The following POLK variants were observed in gnomAD, a reference collection of about 807,000 sequenced individuals.
The protein encoded by POLK is polymerase (DNA directed) kappa.
Under a neutral mutation model 94.0 loss-of-function variants are expected in POLK, and 76 were observed. The ratio of observed to expected loss-of-function variants is 0.81; its 90% CI spans 0.67 to 0.98. The LOEUF is 0.98. POLK is among the 50% of genes least tolerant of loss of function. The probability of loss-of-function intolerance (pLI) is 0.00; values close to 1 mark genes in which losing one functional copy is unlikely to be tolerated. For missense variants in POLK, 954 were observed against 1,010.1 expected (o/e 0.94, Z 0.75); for synonymous variants, 349 against 325.4 (o/e 1.07, Z -0.78).
At chr5:75,576,924 G>A (rs1173823396) in exon 6 of POLK, 1 of 1,543,900 alleles carries the variant, frequency 6.5e-7, no homozygotes, top group Non-Finnish European at 8.7e-7. Context: ...GGGAAGCTCT[G>A]TAGAAAATGG....
intron 4 of POLK, among the ~76,000 whole-genome samples, chr5:75,571,973 A>C (rs535625099): frequency 4.6e-5 from 7 of 152,342 alleles, no homozygotes; most frequent in African/African-American, 1.7e-4. Context: ...CAGAACACTG[A>C]CCAAGGATTA....
chr5:75,596,558 T>G, exon 13 of POLK: 1 of 1,613,788 alleles, frequency 6.2e-7, no homozygotes, highest in Non-Finnish European at 8.5e-7. Flanking sequence ...TGTCAGATAC[T>G]TACCTGTCCT....
chr5:75,572,839 C>T (rs1440487447), intron 4 of POLK, among the ~76,000 whole-genome samples: 10 of 151,984 alleles, frequency 6.6e-5, no homozygotes, highest in East Asian at 1.9e-4. Flanking sequence ...GTTAGAATGG[C>T]GATCATTAAA....
At chr5:75,551,814 T>C (rs887463060) in intron 2 of POLK, among the ~76,000 whole-genome samples, 5 of 152,178 alleles carry the variant, frequency 3.3e-5, no homozygotes, top group African/African-American at 1.2e-4. Flanking sequence ...TGGCATTTCC[T>C]CAAAAGGTTG....
intron 1 of POLK, among the ~76,000 whole-genome samples, chr5:75,544,582 C>T (rs1337162127): frequency 9.2e-5 from 14 of 151,998 alleles, no homozygotes; most frequent in African/African-American, 3.4e-4. Context: ...GCGGAGGTAG[C>T]AGTAAGCCGA....
At chr5:75,564,523 G>A (rs1771160441) in intron 3 of POLK, among the ~76,000 whole-genome samples, 1 of 152,186 alleles carries the variant, frequency 6.6e-6, no homozygotes, top group Non-Finnish European at 1.5e-5. Context: ...TGCAGTGCCT[G>A]GTACCGGTTT....
intron 6 of POLK, 64 bp downstream of exon 6, chr5:75,576,997 G>C: frequency 1.1e-6 from 1 of 949,872 alleles, no homozygotes; most frequent in South Asian, 2.3e-5. Flanking sequence ...ACAACTCTTT[G>C]AATTAATCCA....
chr5:75,581,243 G>A, exon 7 of POLK: 1 of 1,605,694 alleles, frequency 6.2e-7, no homozygotes. Flanking sequence ...AACTGAGTGA[G>A]CATGAACGAT....
In POLK at chr5:75,597,345, G is replaced by A. The variant is rs1435885360; in HGVS notation, c.2485+167G>A. ...TTGCCATAGGTTAGAATTAACTCAA[G>A]CCTGTAGATTGTGAATTTGGGGAAA... is the stretch of plus-strand genomic sequence containing the variant. On this transcript the variant is annotated intron_variant, in intron 13 of 14. Transcript: ENST00000241436. 7.2e-6 allele frequency: 4 copies of A among 553,316 alleles called. No homozygotes were observed. The East Asian group carries it at 1.2e-4, about 16-fold the overall frequency. 34.3% of individuals were successfully genotyped at this position (553,316 alleles called of 1,614,324 possible).
At chr5:75,596,355 G>A in exon 13 of POLK, 1 of 1,613,534 alleles carries the variant, frequency 6.2e-7, no homozygotes, top group South Asian at 1.1e-5. Flanking sequence ...ACAAAGATAA[G>A]TTTGTAAAAC....
intron 11 of POLK, among the ~76,000 whole-genome samples, chr5:75,593,647 T>G (rs1034368594): frequency 6.6e-6 from 1 of 151,986 alleles, no homozygotes; most frequent in Admixed American, 6.6e-5. Flanking sequence ...AATTTGAGAC[T>G]AGCCTGGGTA....
chr5:75,540,774 T>C (rs748916532), intron 1 of POLK, among the ~76,000 whole-genome samples: 1 of 152,204 alleles, frequency 6.6e-6, no homozygotes, highest in Non-Finnish European at 1.5e-5. Context: ...CACTTTTATA[T>C]AGATAGGTAT....
chr5:75,596,213 T>A lies in POLK; in HGVS notation c.1529-9T>A. The A allele has an allele frequency of 6.8e-7, 1 of 1,463,924 alleles. No individual in the cohort carries two copies. 90.7% of individuals were successfully genotyped at this position (1,463,924 alleles called of 1,614,324 possible). ...CAATTTGAAATTGATTGTGATTGGTTTAATTTAGGTGTTCGGATATCTAGT... is the reference window on the plus strand; with the variant it reads ...CAATTTGAAATTGATTGTGATTGGTATAATTTAGGTGTTCGGATATCTAGT... On this transcript the variant is annotated splice_polypyrimidine_tract_variant and intron_variant, in intron 12 of 14. Transcript: ENST00000241436.
At chr5:75,576,851 A>G (rs538327513) in exon 6 of POLK, 9 of 1,568,554 alleles carry the variant, frequency 5.7e-6, no homozygotes, top group South Asian at 4.8e-5. Context: ...ACTTGAATAT[A>G]ACAAAGCACT....
intron 10 of POLK, among the ~76,000 whole-genome samples, chr5:75,588,684 T>G: frequency 6.6e-6 from 1 of 152,202 alleles, no homozygotes; most frequent in Admixed American, 6.5e-5. Flanking sequence ...AAGTCAGCGG[T>G]TCTAAAGTTA....
intron 3 of POLK, among the ~76,000 whole-genome samples, chr5:75,565,654 T>A (rs1561378094): frequency 6.6e-6 from 1 of 152,230 alleles, no homozygotes; most frequent in Non-Finnish European, 1.5e-5. Flanking sequence ...GAAGTTCTGC[T>A]GGAGTTTGCT....
At chr5:75,549,294 A>C (rs961381750) in intron 2 of POLK, among the ~76,000 whole-genome samples, 1 of 152,078 alleles carries the variant, frequency 6.6e-6, no homozygotes, top group East Asian at 1.9e-4. Flanking sequence ...GACCCAGTAC[A>C]ATTTATTAAA....
downstream of POLK, among the ~76,000 whole-genome samples, chr5:75,605,704 A>T (rs1218285652): frequency 6.6e-6 from 1 of 152,166 alleles, no homozygotes; most frequent in African/African-American, 2.4e-5. Flanking sequence ...TTCTTTATAA[A>T]CCACTAAGAA....
intron 5 of POLK, among the ~76,000 whole-genome samples, chr5:75,575,217 A>G (rs768723737): frequency 8.5e-5 from 13 of 152,186 alleles, no homozygotes; most frequent in African/African-American, 1.9e-4. Flanking sequence ...GTCTCACCCC[A>G]TAGCCCAGGC....
Sources: gnomAD v4.1 joint callset for allele counts (sites outside exome capture counted in the v4.1 genomes callset) on GRCh38, gnomAD v4.1.1 for gene constraint, MANE v1.5 for transcripts, NCBI Gene and HGNC (gene_info 2026-07-23, HGNC 2026-07-21) for gene names.